COL23A1: variants seen among roughly 807,000 people sequenced by gnomAD.
COL23A1 encodes the protein collagen alpha-1(XXIII) chain.
In COL23A1, 97 loss-of-function variants were observed where a neutral mutation model predicts 99.3. The observed-to-expected ratio is 0.98, with a 90% CI of 0.83 to 1.16. COL23A1 has a LOEUF of 1.16. Among genes scored for constraint, COL23A1 ranks in the 50% most tolerant of loss-of-function variants. COL23A1 has a pLI of 0.00. For synonymous variants in COL23A1, 320 were observed against 308.2 expected, an observed-to-expected ratio of 1.04 and a Z score of -0.40; for missense variants, 762 against 757.4, an observed-to-expected ratio of 1.01 and a Z score of -0.07.
At chr5:178,300,286 T>C (rs897732040) in intron 3 of COL23A1, among the ~76,000 whole-genome samples, 1 of 151,246 alleles carries the variant, frequency 6.6e-6, no homozygotes, top group African/African-American at 2.4e-5. Context: ...CGGGCTGGTC[T>C]TGAACTCCTG....
intron 2 of COL23A1, among the ~76,000 whole-genome samples, chr5:178,438,137 A>T (rs1766664296): frequency 6.6e-6 from 1 of 152,236 alleles, no homozygotes; most frequent in Non-Finnish European, 1.5e-5. Flanking sequence ...TCCAAACCAA[A>T]GAATTAAGGG....
chr5:178,380,755 A>G (rs886409276), intron 2 of COL23A1, among the ~76,000 whole-genome samples: 1 of 152,140 alleles, frequency 6.6e-6, no homozygotes, highest in Non-Finnish European at 1.5e-5. Flanking sequence ...GACCAGCCGC[A>G]GTGAGAGGGA....
intron 2 of COL23A1, among the ~76,000 whole-genome samples, chr5:178,480,464 C>G (rs1757275174): frequency 6.6e-6 from 1 of 152,216 alleles, no homozygotes; most frequent in Admixed American, 6.5e-5. Context: ...GTGCACCTCC[C>G]ACCCGCAAGC....
chr5:178,405,616 A>G lies in COL23A1; in HGVS notation c.362-98697T>C, dbSNP rs1171417213. On this transcript the variant is annotated intron_variant, in intron 2 of 28. Coordinates refer to ENST00000390654, the MANE Select transcript of COL23A1 (RefSeq NM_173465.4). ...TGAAAGCATCCCCATTAAAGTCAGGAACAACATGAGGATGCACGACGACCA... is the reference window on the plus strand; with the variant it reads ...TGAAAGCATCCCCATTAAAGTCAGGGACAACATGAGGATGCACGACGACCA... Among the ~76,000 whole-genome samples the G allele has an allele frequency of 3.3e-5, 5 of 152,332 alleles. No individual in the cohort carries two copies. In the South Asian group the frequency reaches 6.2e-4, roughly 19 times the overall value.
chr5:178,371,797 CA>C (rs1429561727), intron 2 of COL23A1, among the ~76,000 whole-genome samples: 1 of 152,248 alleles, frequency 6.6e-6, no homozygotes, highest in African/African-American at 2.4e-5. Flanking sequence ...CCCACCGCCC[CA>C]GGGGGCTCCA....
intron 8 of COL23A1, among the ~76,000 whole-genome samples, chr5:178,267,078 C>G (rs1755942592): frequency 6.6e-6 from 1 of 152,206 alleles, no homozygotes; most frequent in South Asian, 2.1e-4. Context: ...CAGTGGTAAG[C>G]ATGGAGACCT....
chr5:178,356,426 T>A (rs1324713535), intron 2 of COL23A1, among the ~76,000 whole-genome samples: 1 of 151,822 alleles, frequency 6.6e-6, no homozygotes, highest in African/African-American at 2.4e-5. Context: ...CCACAGCTTG[T>A]TTAAAAGAGG....
At position 178,331,652 on chromosome 5, in the gene COL23A1, C is replaced by T. The variant is rs6896542; in HGVS notation, c.362-24733G>A. On this transcript the variant is annotated intron_variant, in intron 2 of 28. Transcript: ENST00000390654. ...GGGCAGGAGTAAACACCATAGGGCG[C>T]CTGAGTTTAGACACATGCGCCTGGC... is the stretch of plus-strand genomic sequence containing the variant. 5.7e-3 allele frequency among the ~76,000 whole-genome samples: 871 copies of T among 152,246 alleles called. 9 individuals are homozygous for T. Among genetic ancestry groups the T allele is most frequent in the African/African-American group, 0.02 (835 of 41,540 alleles).
At chr5:178,521,960 T>G (rs1759969437) in intron 2 of COL23A1, among the ~76,000 whole-genome samples, 1 of 152,186 alleles carries the variant, frequency 6.6e-6, no homozygotes, top group Non-Finnish European at 1.5e-5. Context: ...GGGATGTAAT[T>G]CATGCCACCA....
At chr5:178,325,488 C>T (rs1001328559) in intron 2 of COL23A1, among the ~76,000 whole-genome samples, 53 of 148,118 alleles carry the variant, frequency 3.6e-4, no homozygotes, top group Non-Finnish European at 3.0e-4. Flanking sequence ...CTTTCTCCCT[C>T]TTTTTTTTTT....
intron 2 of COL23A1, among the ~76,000 whole-genome samples, chr5:178,358,035 T>TGTATGCGTATGC (rs1436706036): frequency 7.3e-6 from 1 of 137,458 alleles, no homozygotes; most frequent in Non-Finnish European, 1.7e-5. Flanking sequence ...TATGCGTATG[T>TGTATGCGTATGC]GTATGTGTAT....
Position 178,337,625 on chromosome 5 carries a change from C to T in COL23A1, c.362-30706G>A, listed in dbSNP as rs1010990935. Among the ~76,000 whole-genome samples, 22 of 151,970 alleles carry T rather than the reference C, an allele frequency of 1.4e-4. No homozygotes were observed. The South Asian group carries it at 1.5e-3, about 10-fold the overall frequency. On this transcript the variant is annotated intron_variant, in intron 2 of 28. Coordinates refer to ENST00000390654, the MANE Select transcript of COL23A1 (RefSeq NM_173465.4). Reference sequence around the variant, plus strand: ...GTGGGCTCTGCCGGGCTGGGGGAGGCGCTGTAGAGGGGGCAGGAGGTTGGG... The same window carrying T: ...GTGGGCTCTGCCGGGCTGGGGGAGGTGCTGTAGAGGGGGCAGGAGGTTGGG...
At position 178,428,924 on chromosome 5, in the gene COL23A1, C is replaced by T. The variant is rs1561964062; in HGVS notation, c.362-122005G>A. 6.6e-6 allele frequency among the ~76,000 whole-genome samples: 1 copy of T among 151,078 alleles called. No individual in the cohort carries two copies. The highest frequency in any genetic ancestry group is 1.5e-5 in the Non-Finnish European group (1 of 68,006). The stretch of plus-strand genomic sequence containing the variant: ...TGTTTCCAAGCCAGCTCCCTACCCG[C>T]ACACAGACAGGCAGGCCCTCCGTGA... On this transcript the variant is annotated intron_variant, in intron 2 of 28. Coordinates refer to ENST00000390654, the MANE Select transcript of COL23A1 (RefSeq NM_173465.4). The surrounding 1 kb of genome is among the most constrained non-coding windows in gnomAD (Gnocchi z 5.0).
chr5:178,312,195 C>A (rs2973706), intron 2 of COL23A1, among the ~76,000 whole-genome samples: 2 of 151,934 alleles, frequency 1.3e-5, no homozygotes. Context: ...CGGGAGCTTT[C>A]CCGTGTCCCT....
At chr5:178,262,084 A>T in intron 10 of COL23A1, 133 bp downstream of exon 10, 1 of 980,996 alleles carries the variant, frequency 1.0e-6, no homozygotes, top group Non-Finnish European at 1.5e-6. Flanking sequence ...GCAGACACGT[A>T]CATGCAGAGG....
At chr5:178,426,029 AG>A (rs550838580) in intron 2 of COL23A1, among the ~76,000 whole-genome samples, 1 of 152,054 alleles carries the variant, frequency 6.6e-6, no homozygotes, top group African/African-American at 2.4e-5. Context: ...TCTCCACAGC[AG>A]GGGGGGCAAC....
At chr5:178,296,624 G>A (rs1055964528) in intron 3 of COL23A1, among the ~76,000 whole-genome samples, 8 of 152,152 alleles carry the variant, frequency 5.3e-5, no homozygotes, top group African/African-American at 1.9e-4. Flanking sequence ...AGGTCCCCGG[G>A]AGGGTGTGTG....
intron 2 of COL23A1, among the ~76,000 whole-genome samples, chr5:178,383,412 G>T (rs1281306669): frequency 6.6e-6 from 1 of 152,220 alleles, no homozygotes; most frequent in Non-Finnish European, 1.5e-5. Context: ...GGTCAAGGGT[G>T]GCTCCCTTGG....
chr5:178,304,449 G>A (rs952406649), intron 3 of COL23A1, among the ~76,000 whole-genome samples: 40 of 146,378 alleles, frequency 2.7e-4, no homozygotes. Flanking sequence ...AGCAGAGGCT[G>A]CTGTGAGCTG....
Sources: allele counts gnomAD v4.1 joint callset (sites outside exome capture counted in the v4.1 genomes callset), GRCh38; gene constraint gnomAD v4.1.1; non-coding constraint Gnocchi (gnomAD v3.1); transcripts MANE v1.5; gene names NCBI Gene and HGNC (gene_info 2026-07-23, HGNC 2026-07-21).